Variants in TLE4 observed in about 807,000 individuals in gnomAD.
TLE4 encodes TLE family member 4, transcriptional corepressor, also known as transducin-like enhancer protein 4.
Under a neutral mutation model 92.8 loss-of-function variants are expected in TLE4, and 8 were observed. The observed-to-expected ratio is 0.09, with a 90% CI of 0.05 to 0.16. The LOEUF (loss-of-function observed/expected upper bound fraction) is 0.16, where lower values mean the gene tolerates loss of function less well. Ranked by LOEUF, TLE4 falls within the 10% of genes least tolerant of loss-of-function variation. The probability of loss-of-function intolerance (pLI) is 1.00; values close to 1 mark genes in which losing one functional copy is unlikely to be tolerated. For missense variants in TLE4, 675 were observed against 997.6 expected (o/e 0.68, Z 4.36); for synonymous variants, 371 against 374.1 (o/e 0.99, Z 0.10).
Position 79,725,091 on chromosome 9 carries a change from A to G in TLE4, c.2269A>G (p.Ile757Val). The change falls in exon 20 of 20, where the codon ATT becomes GTT. Residue 757 changes from isoleucine to valine, a missense_variant. By Grantham distance (29) the Ile-to-Val change is conservative. Coordinates refer to ENST00000376552, the MANE Select transcript of TLE4 (RefSeq NM_007005.6). ...TGACATCTCCGTGGACGACAAATACATTGTCACTGGCTCTGGGGATAAGAA... is the reference window on the plus strand; with the variant it reads ...TGACATCTCCGTGGACGACAAATACGTTGTCACTGGCTCTGGGGATAAGAA... ...SCDISVDDKY[I>V]VTGSGDKKAT... is the part of the protein sequence containing the mutation. 6.2e-7 allele frequency: 1 copy of G among 1,613,944 alleles called. No homozygotes were observed. Among genetic ancestry groups the G allele is most frequent in the Non-Finnish European group, 8.5e-7 (1 of 1,179,912 alleles).
intron 8 of TLE4, among the ~76,000 whole-genome samples, chr9:79,697,381 T>G (rs775758414): frequency 1.4e-4 from 21 of 152,206 alleles, no homozygotes; most frequent in Non-Finnish European, 2.5e-4. Context: ...AGCTTGTACT[T>G]TGGATTCTTC....
intron 4 of TLE4, among the ~76,000 whole-genome samples, chr9:79,592,728 C>A (rs1423852625): frequency 6.6e-6 from 1 of 152,184 alleles, no homozygotes; most frequent in African/African-American, 2.4e-5. Context: ...CAAAATTATT[C>A]TTCTATCATT....
chr9:79,648,195 C>G (rs1186403316), intron 6 of TLE4, among the ~76,000 whole-genome samples: 1 of 152,080 alleles, frequency 6.6e-6, no homozygotes, highest in Non-Finnish European at 1.5e-5. Flanking sequence ...CAGAGAGTAA[C>G]TATCAAAGGA....
At chr9:79,603,769 T>C (rs2046208327) in intron 4 of TLE4, among the ~76,000 whole-genome samples, 1 of 152,260 alleles carries the variant, frequency 6.6e-6, no homozygotes, top group South Asian at 2.1e-4. Flanking sequence ...ACCTAAACTG[T>C]AGTTTCTTCT....
intron 5 of TLE4, 134 bp from the exon 6 acceptor site, chr9:79,627,240 C>A: frequency 1.2e-6 from 1 of 845,300 alleles, no homozygotes; most frequent in Non-Finnish European, 1.9e-6. Flanking sequence ...TCACCTCAGG[C>A]TTGTATTGGA....
At position 79,622,042 on chromosome 9, in the gene TLE4, T is replaced by G. The variant is rs914850548; in HGVS notation, c.316-5332T>G. ...GCAGAACTGATAGCACATAGCTGCT[T>G]AAAATTTTTTAATAACATCTCATTT... On this transcript the variant is annotated intron_variant, in intron 5 of 19. Coordinates refer to ENST00000376552, the MANE Select transcript of TLE4 (RefSeq NM_007005.6). Among the ~76,000 whole-genome samples the G allele has an allele frequency of 7.9e-5, 12 of 152,220 alleles. 1 individual carries two copies. The highest frequency in any genetic ancestry group is 1.8e-4 in the Non-Finnish European group (12 of 68,040).
chr9:79,573,199 G>T, intron 1 of TLE4: 1 of 995,106 alleles, frequency 1.0e-6, no homozygotes, highest in Non-Finnish European at 1.2e-6. Context: ...GGCGCTGCTG[G>T]GCTGGCTGCG....
intron 6 of TLE4, among the ~76,000 whole-genome samples, chr9:79,641,324 C>T (rs1255662867): frequency 6.6e-6 from 1 of 151,722 alleles, no homozygotes; most frequent in East Asian, 1.9e-4. Context: ...CACATGTAAC[C>T]AAAAAGTGAT....
At chr9:79,682,394 C>A (rs1409375580) in intron 8 of TLE4, among the ~76,000 whole-genome samples, 1 of 152,136 alleles carries the variant, frequency 6.6e-6, no homozygotes, top group African/African-American at 2.4e-5. Flanking sequence ...GCACATCTGG[C>A]CCTCAAGGAT....
chr9:79,591,994 T>C (rs2042637313), intron 4 of TLE4, among the ~76,000 whole-genome samples: 1 of 152,232 alleles, frequency 6.6e-6, no homozygotes, highest in South Asian at 2.1e-4. Context: ...AAGGATTCTT[T>C]CCACATCTTC....
At chr9:79,582,191 G>A (rs146948761) in intron 4 of TLE4, among the ~76,000 whole-genome samples, 3 of 152,244 alleles carry the variant, frequency 2.0e-5, no homozygotes, top group Admixed American at 6.5e-5. Flanking sequence ...AAAGAGGTTC[G>A]TCGATGCAGG....
At chr9:79,667,389 TAAGAG>T (rs967481986) in intron 8 of TLE4, among the ~76,000 whole-genome samples, 4 of 152,196 alleles carry the variant, frequency 2.6e-5, no homozygotes, top group African/African-American at 7.2e-5. Context: ...GCTATACACT[TAAGAG>T]GAAAGAAAGG....
chr9:79,679,262 T>A (rs2063920946), intron 8 of TLE4, among the ~76,000 whole-genome samples: 1 of 152,148 alleles, frequency 6.6e-6, no homozygotes, highest in African/African-American at 2.4e-5. Flanking sequence ...TTCCTATTTC[T>A]CCACCTCCTC....
intron 14 of TLE4, among the ~76,000 whole-genome samples, chr9:79,714,725 G>A (rs1429274442): frequency 6.6e-6 from 1 of 152,156 alleles, no homozygotes; most frequent in African/African-American, 2.4e-5. Context: ...TCACTTGTGG[G>A]CAAGACCAGG....
intron 19 of TLE4, 101 bp downstream of exon 19, chr9:79,723,136 G>T: frequency 8.9e-7 from 1 of 1,126,410 alleles, no homozygotes; most frequent in Non-Finnish European, 1.3e-6. Flanking sequence ...GGAGGTCAGA[G>T]CTAGTATTAT....
chr9:79,650,637 G>T (rs546010158), intron 6 of TLE4, among the ~76,000 whole-genome samples: 1 of 152,224 alleles, frequency 6.6e-6, no homozygotes, highest in South Asian at 2.1e-4. Flanking sequence ...TTATGAACAT[G>T]ATTTTGGCCA....
At chr9:79,658,857 G>A (rs1273411608) in intron 8 of TLE4, among the ~76,000 whole-genome samples, 1 of 152,216 alleles carries the variant, frequency 6.6e-6, no homozygotes, top group African/African-American at 2.4e-5. Context: ...ACACTAAAGA[G>A]TGTTTAAGCA....
intron 6 of TLE4, among the ~76,000 whole-genome samples, chr9:79,645,031 A>G (rs2134016017): frequency 6.6e-6 from 1 of 152,286 alleles, no homozygotes; most frequent in East Asian, 1.9e-4. Flanking sequence ...GGGTACCAAA[A>G]ACTCCATTCC....
chr9:79,575,508 C>A (rs972410223), intron 3 of TLE4, among the ~76,000 whole-genome samples: 3 of 152,032 alleles, frequency 2.0e-5, no homozygotes, highest in African/African-American at 7.2e-5. Flanking sequence ...ATGTTGTAGT[C>A]TCCTGTATAA....
Sources: gnomAD v4.1 joint callset for allele counts (sites outside exome capture counted in the v4.1 genomes callset) on GRCh38, gnomAD v4.1.1 for gene constraint, MANE v1.5 for transcripts, NCBI Gene and HGNC (gene_info 2026-07-23, HGNC 2026-07-21) for gene names.